AGBL4: variants seen among roughly 807,000 people sequenced by gnomAD.
AGBL4 encodes cytosolic carboxypeptidase 6.
In AGBL4, 58 loss-of-function variants were observed where a neutral mutation model predicts 66.4. The ratio of observed to expected loss-of-function variants is 0.87; its 90% confidence interval spans 0.71 to 1.09. The LOEUF (loss-of-function observed/expected upper bound fraction) is 1.09. Among genes scored for constraint, AGBL4 ranks in the 50% least tolerant of loss-of-function variants. The pLI, the probability that AGBL4 is intolerant of heterozygous loss-of-function variation, is 0.00. For synonymous variants in AGBL4, 234 were observed against 222.9 expected (o/e 1.05, Z -0.44); for missense variants, 579 against 631.0 (o/e 0.92, Z 0.88).
At chr1:49,264,827 G>A (rs976493720) in intron 3 of AGBL4, among the ~76,000 whole-genome samples, 2 of 152,198 alleles carry the variant, frequency 1.3e-5, no homozygotes, top group Admixed American at 1.3e-4. Flanking sequence ...TTATAGGCGT[G>A]AGCCACCACG....
At chr1:49,773,519 G>T (rs562610672) in intron 2 of AGBL4, among the ~76,000 whole-genome samples, 2 of 152,154 alleles carry the variant, frequency 1.3e-5, no homozygotes, top group Non-Finnish European at 2.9e-5. Flanking sequence ...CAGTAGAACT[G>T]GTCTCTGTAA....
At chr1:50,012,579 TTATC>T (rs1464847412) in intron 1 of AGBL4, among the ~76,000 whole-genome samples, 1 of 152,138 alleles carries the variant, frequency 6.6e-6, no homozygotes, top group African/African-American at 2.4e-5. Flanking sequence ...CAAAAATAAT[TTATC>T]TATCCTCCTG....
intron 12 of AGBL4, among the ~76,000 whole-genome samples, chr1:48,537,838 C>T (rs925091728): frequency 1.6e-4 from 25 of 152,176 alleles, no homozygotes; most frequent in Non-Finnish European, 2.4e-4. Context: ...TAACCAATCA[C>T]GAATGACTTC....
intron 11 of AGBL4, among the ~76,000 whole-genome samples, chr1:48,550,209 A>G (rs140848734): frequency 1.3e-5 from 2 of 152,188 alleles, no homozygotes; most frequent in Non-Finnish European, 2.9e-5. Context: ...CCACACACTT[A>G]GTGGCTTAAA....
intron 6 of AGBL4, among the ~76,000 whole-genome samples, chr1:48,800,443 G>T (rs1558003944): frequency 6.6e-6 from 1 of 152,110 alleles, no homozygotes; most frequent in East Asian, 1.9e-4. Flanking sequence ...TCCTTTCAAA[G>T]AACCAGCTTT....
chr1:48,779,704 CTTTT>C (rs200375125), intron 6 of AGBL4, among the ~76,000 whole-genome samples: 27 of 137,192 alleles, frequency 2.0e-4, no homozygotes, highest in African/African-American at 6.9e-4. Flanking sequence ...CTGTTCCTCT[CTTTT>C]TTTTTTTTTT....
At chr1:48,799,754 A>G (rs1291269479) in intron 6 of AGBL4, among the ~76,000 whole-genome samples, 1 of 152,124 alleles carries the variant, frequency 6.6e-6, no homozygotes, top group East Asian at 1.9e-4. Context: ...TGAGATGATC[A>G]TGTGATTTTA....
chr1:48,597,620 G>GCA (rs1645013123), intron 9 of AGBL4, among the ~76,000 whole-genome samples: 3 of 148,204 alleles, frequency 2.0e-5, no homozygotes, highest in African/African-American at 7.4e-5. Flanking sequence ...TTTCAAAAAG[G>GCA]AAATGGAGAT....
intron 3 of AGBL4, among the ~76,000 whole-genome samples, chr1:49,672,083 C>A (rs1039023217): frequency 9.2e-5 from 14 of 152,034 alleles, no homozygotes; most frequent in Non-Finnish European, 1.8e-4. Flanking sequence ...ATAGAATCAA[C>A]CTAAATGCCC....
intron 1 of AGBL4, among the ~76,000 whole-genome samples, chr1:49,877,219 G>T (rs1020620522): frequency 1.3e-5 from 2 of 151,048 alleles, no homozygotes; most frequent in Non-Finnish European, 2.9e-5. Context: ...GTGAGAGAGG[G>T]CATCCCTGTC....
chr1:48,833,614 T>C (rs574925154), intron 6 of AGBL4, among the ~76,000 whole-genome samples: 1 of 152,156 alleles, frequency 6.6e-6, no homozygotes, highest in African/African-American at 2.4e-5. Flanking sequence ...CAGACTATCA[T>C]TTGATAAACA....
chr1:49,576,169 G>A (rs901507888), intron 3 of AGBL4, among the ~76,000 whole-genome samples: 1 of 152,160 alleles, frequency 6.6e-6, no homozygotes, highest in Admixed American at 6.5e-5. Context: ...CACAACACCT[G>A]GTGGTCCTAT....
At chr1:48,578,390 G>GA (rs568644825) in intron 11 of AGBL4, among the ~76,000 whole-genome samples, 9 of 152,084 alleles carry the variant, frequency 5.9e-5, no homozygotes, top group Admixed American at 2.6e-4. Flanking sequence ...GTAGGGAGGA[G>GA]AAAAAAATCA....
intron 4 of AGBL4, among the ~76,000 whole-genome samples, chr1:49,057,867 A>G (rs1219917369): frequency 6.6e-6 from 1 of 152,130 alleles, no homozygotes; most frequent in Non-Finnish European, 1.5e-5. Context: ...AATACTCACA[A>G]TAGATATTTG....
At chr1:48,771,549 G>A (rs1158469613) in intron 6 of AGBL4, among the ~76,000 whole-genome samples, 1 of 152,166 alleles carries the variant, frequency 6.6e-6, no homozygotes, top group Non-Finnish European at 1.5e-5. Context: ...AGTAGAATCC[G>A]CAACAGATGA....
chr1:48,945,827 T>A (rs1656454100), intron 5 of AGBL4, among the ~76,000 whole-genome samples: 3 of 152,204 alleles, frequency 2.0e-5, no homozygotes, highest in African/African-American at 7.2e-5. Flanking sequence ...TGTCTACCAT[T>A]AATTAGCTGT....
rs543922764 is a variant in AGBL4, at chr1:49,977,140, C to A, written c.34+46623G>T. ...TTTCCTTATTCTTCCCTCTATCTTT[C>A]ATTCACTTCACCTCCCATCTTCCAT... On this transcript the variant is annotated intron_variant, in intron 1 of 13. Coordinates refer to ENST00000371839, the MANE Select transcript of AGBL4 (RefSeq NM_032785.4). Among the ~76,000 whole-genome samples, 13 of 152,324 alleles carry A rather than the reference C, an allele frequency of 8.5e-5. No individual in the cohort carries two copies. The East Asian group carries it at 2.5e-3, about 29-fold the overall frequency.
chr1:48,653,396 G>C lies in AGBL4; in HGVS notation c.780C>G (p.Tyr260Ter). 6.3e-7 allele frequency: 1 copy of C among 1,590,044 alleles called. No individual in the cohort carries two copies. Among genetic ancestry groups the C allele is most frequent in the Non-Finnish European group, 8.6e-7 (1 of 1,167,592 alleles). ...GCATTGGTGCGATCTTGAAGACCAG[G>C]TATTCCCGGAGGACACAGGCAATAG... The part of the protein sequence containing the change: ...QHPIACVLRE[Y>*]LVFKIAPMLN... Residue 260 changes from tyrosine to a stop codon, truncating the protein, a stop_gained, in exon 8 of 14, where the codon TAC (tyrosine) becomes TAG (stop). Transcript: ENST00000371839. LOFTEE classifies it high-confidence loss of function.
chr1:49,924,660 T>C (rs1652588738), intron 1 of AGBL4, among the ~76,000 whole-genome samples: 1 of 152,136 alleles, frequency 6.6e-6, no homozygotes. Flanking sequence ...AGTATTTCAA[T>C]TAAGATGATA....
Sources: gnomAD v4.1 joint callset for allele counts (sites outside exome capture counted in the v4.1 genomes callset) on GRCh38, gnomAD v4.1.1 for gene constraint, MANE v1.5 for transcripts, NCBI Gene and HGNC (gene_info 2026-07-23, HGNC 2026-07-21) for gene names.